The following AKAP19 variants were observed in gnomAD, a reference collection of about 807,000 sequenced individuals.
AKAP19 encodes small A-kinase anchoring protein.
the AKAP19 span, among the ~76,000 whole-genome samples, chr2:190,133,816 G>A: frequency 2.6e-5 from 4 of 152,184 alleles, no homozygotes; most frequent in Admixed American, 6.5e-5. Flanking sequence ...GAGCAGAATG[G>A]TGACTGACTG....
chr2:189,932,755 C>T, the AKAP19 span, among the ~76,000 whole-genome samples: 1 of 150,604 alleles, frequency 6.6e-6, no homozygotes, highest in East Asian at 1.9e-4. Flanking sequence ...TATTTTGATG[C>T]TACATTATCC....
the AKAP19 span, among the ~76,000 whole-genome samples, chr2:190,150,766 C>CTTTTTT: frequency 6.9e-6 from 1 of 144,370 alleles, no homozygotes; most frequent in South Asian, 2.2e-4. Context: ...TGATCTCCTG[C>CTTTTTT]TTTTTTTTTT....
the AKAP19 span, among the ~76,000 whole-genome samples, chr2:189,909,828 A>G: frequency 6.6e-6 from 1 of 152,056 alleles, no homozygotes; most frequent in Non-Finnish European, 1.5e-5. Flanking sequence ...TTGAATAGTT[A>G]TTTTATTAAT....
chr2:190,114,845 A>G, the AKAP19 span, among the ~76,000 whole-genome samples: 3 of 152,082 alleles, frequency 2.0e-5, no homozygotes, highest in African/African-American at 7.2e-5. Context: ...TCAAAAGTCT[A>G]ATGCCTAATT....
chr2:189,928,058 TA>T, the AKAP19 span, among the ~76,000 whole-genome samples: 8 of 152,332 alleles, frequency 5.3e-5, no homozygotes, highest in Non-Finnish European at 8.8e-5. Flanking sequence ...CATGTCTTTT[TA>T]GTATTGTTTA....
chr2:190,074,281 G>A, the AKAP19 span, among the ~76,000 whole-genome samples: 2 of 151,964 alleles, frequency 1.3e-5, no homozygotes, highest in Admixed American at 1.3e-4. Context: ...GAAATGAGAG[G>A]GGAATATCAC....
the AKAP19 span, among the ~76,000 whole-genome samples, chr2:189,890,554 A>G: frequency 6.6e-6 from 1 of 152,158 alleles, no homozygotes; most frequent in South Asian, 2.1e-4. Flanking sequence ...GTGGGAGTCT[A>G]AGTCTCTTTG....
At chr2:190,175,662 C>A in the AKAP19 span, among the ~76,000 whole-genome samples, 1 of 152,084 alleles carries the variant, frequency 6.6e-6, no homozygotes, top group Non-Finnish European at 1.5e-5. Flanking sequence ...TTTTTGTCTT[C>A]CACATAAGGA....
At chr2:190,111,092 G>A in the AKAP19 span, among the ~76,000 whole-genome samples, 104 of 152,196 alleles carry the variant, frequency 6.8e-4, no homozygotes, top group African/African-American at 2.4e-3. Context: ...TACTCTTCTG[G>A]GAGAGCACAG....
the AKAP19 span, among the ~76,000 whole-genome samples, chr2:190,152,792 T>C: frequency 6.6e-6 from 1 of 152,232 alleles, no homozygotes; most frequent in Non-Finnish European, 1.5e-5. Flanking sequence ...AACTTTTATA[T>C]CCTTTTTATT....
At chr2:190,085,289 T>G in the AKAP19 span, among the ~76,000 whole-genome samples, 1 of 152,248 alleles carries the variant, frequency 6.6e-6, no homozygotes, top group African/African-American at 2.4e-5. Context: ...TTTTGCCAGA[T>G]ATTTACAATA....
At chr2:190,202,443 AGAT>A in the AKAP19 span, 1 of 167,068 alleles carries the variant, frequency 6.0e-6, no homozygotes, top group African/African-American at 2.4e-5. Flanking sequence ...AAATGAAAAA[AGAT>A]GAATAAATGA....
the AKAP19 span, among the ~76,000 whole-genome samples, chr2:190,127,967 T>C: frequency 6.6e-6 from 1 of 151,832 alleles, no homozygotes; most frequent in Non-Finnish European, 1.5e-5. Context: ...AAATCACAGA[T>C]ATAAAATTTA....
the AKAP19 span, among the ~76,000 whole-genome samples, chr2:190,113,275 A>G: frequency 4.6e-5 from 7 of 152,280 alleles, no homozygotes; most frequent in African/African-American, 1.7e-4. Context: ...CTCTTTAATC[A>G]GTAACTGAGA....
At chr2:189,965,934 G>A in the AKAP19 span, among the ~76,000 whole-genome samples, 2 of 151,542 alleles carry the variant, frequency 1.3e-5, no homozygotes, top group South Asian at 4.2e-4. Context: ...AGAAATTGTG[G>A]TATATATGTA....
the AKAP19 span, chr2:189,923,879 G>A: frequency 2.5e-6 from 4 of 1,611,058 alleles, no homozygotes; most frequent in Non-Finnish European, 3.4e-6. Context: ...TGACCTTCAG[G>A]CCATTAAGAG....
the AKAP19 span, among the ~76,000 whole-genome samples, chr2:189,881,389 C>T: frequency 6.6e-6 from 1 of 152,020 alleles, no homozygotes; most frequent in Non-Finnish European, 1.5e-5. Flanking sequence ...TGTTTTTTTC[C>T]TAGATGAGTA....
chr2:190,162,070 G>A, the AKAP19 span, among the ~76,000 whole-genome samples: 7 of 152,078 alleles, frequency 4.6e-5, no homozygotes, highest in Non-Finnish European at 8.8e-5. Flanking sequence ...ATTTAAATCC[G>A]GAGAATACCT....
the AKAP19 span, among the ~76,000 whole-genome samples, chr2:190,137,376 G>A: frequency 6.6e-6 from 1 of 151,926 alleles, no homozygotes; most frequent in Non-Finnish European, 1.5e-5. Context: ...GGCTTTTTGT[G>A]AACCAAAAAA....
Sources: allele counts gnomAD v4.1 joint callset (sites outside exome capture counted in the v4.1 genomes callset), GRCh38; gene constraint gnomAD v4.1.1; transcripts MANE v1.5; gene names NCBI Gene and HGNC (gene_info 2026-07-23, HGNC 2026-07-21).